The following CDYL variants were observed in gnomAD, a reference collection of about 807,000 sequenced individuals.
CDYL encodes chromodomain Y-like protein.
CDYL carries 8 observed loss-of-function variants against 47.3 expected under a neutral mutation model. The ratio of observed to expected loss-of-function variants is 0.17; its 90% CI spans 0.10 to 0.31. The LOEUF (loss-of-function observed/expected upper bound fraction) is 0.31, where lower values mean the gene tolerates loss of function less well. Ranked by LOEUF, CDYL falls within the 10% of genes least tolerant of loss-of-function variation. CDYL has a pLI of 1.00. For missense variants in CDYL, 471 were observed against 701.4 expected, an observed-to-expected ratio of 0.67 and a Z score of 3.71; for synonymous variants, 266 against 265.0, an observed-to-expected ratio of 1.00 and a Z score of -0.04.
chr6:4,912,491 CGTAGGGCTTTGTAGCCAGGG>C (rs1436341870), intron 2 of CDYL, among the ~76,000 whole-genome samples: 1 of 152,174 alleles, frequency 6.6e-6, no homozygotes, highest in Non-Finnish European at 1.5e-5. Context: ...GGCGGAACGC[CGTAGGGCTTTGTAGCCAGGG>C]TAAGAAGTTT....
At chr6:4,926,616 T>C (rs572718912) in intron 2 of CDYL, among the ~76,000 whole-genome samples, 1 of 152,364 alleles carries the variant, frequency 6.6e-6, no homozygotes, top group South Asian at 2.1e-4. Context: ...TTTTGGATGC[T>C]GTAGTGTAGT....
At chr6:4,935,913 G>A (rs2127519981) in intron 3 of CDYL, 142 bp downstream of exon 3, 1 of 1,335,826 alleles carries the variant, frequency 7.5e-7, no homozygotes, top group Middle Eastern at 2.6e-4. Context: ...AAGGGAGGGA[G>A]CAGAGGGGAA....
intron 3 of CDYL, among the ~76,000 whole-genome samples, chr6:4,769,451 C>G (rs1758304060): frequency 2.0e-5 from 3 of 152,046 alleles, no homozygotes; most frequent in African/African-American, 7.2e-5. Context: ...TCATATTTTG[C>G]TTAAGCTGGG....
chr6:4,792,758 A>G (rs774841565), intron 1 of CDYL, among the ~76,000 whole-genome samples: 19 of 152,064 alleles, frequency 1.2e-4, no homozygotes, highest in Admixed American at 3.3e-4. Context: ...TTTTTTGTTT[A>G]AGAAATCCTT....
At chr6:4,879,441 T>C (rs1325662265) in intron 1 of CDYL, among the ~76,000 whole-genome samples, 1 of 152,218 alleles carries the variant, frequency 6.6e-6, no homozygotes, top group African/African-American at 2.4e-5. Context: ...TGTAATGCTT[T>C]CTTGAAGTTT....
chr6:4,944,555 A>G (rs1192172053), intron 5 of CDYL, among the ~76,000 whole-genome samples: 1 of 152,230 alleles, frequency 6.6e-6, no homozygotes, highest in Non-Finnish European at 1.5e-5. Context: ...AGGAGCGATC[A>G]TGGCAGCACA....
chr6:4,851,205 G>A (rs915187412), intron 1 of CDYL, among the ~76,000 whole-genome samples: 5 of 152,118 alleles, frequency 3.3e-5, no homozygotes, highest in African/African-American at 1.2e-4. Flanking sequence ...CTGTAACCTG[G>A]GCCAAAGTTA....
Position 4,783,193 on chromosome 6 carries a change from T to C in CDYL, c.24+6386T>C, listed in dbSNP as rs74786407. Among the ~76,000 whole-genome samples, 1,231 of 151,188 alleles carry C rather than the reference T, an allele frequency of 8.1e-3. 22 individuals carry two copies. The highest frequency in any genetic ancestry group is 0.044 in the East Asian group (226 of 5,172). On this transcript the variant is annotated intron_variant, in intron 1 of 6. Transcript: ENST00000397588. ...TTCCTTCTGGGATTTTTTTTTTTCT[T>C]AAGTGTATCCTTTAGAGATTTCTTT...
At chr6:4,788,980 C>T (rs1018030951) in intron 1 of CDYL, among the ~76,000 whole-genome samples, 5 of 152,144 alleles carry the variant, frequency 3.3e-5, no homozygotes, top group African/African-American at 4.8e-5. Context: ...CTTGTAGCTA[C>T]ATGGCGGGCC....
rs2281130 is a variant in CDYL at position 4,884,022 on chromosome 6, C to G, written c.25-7691C>G. On this transcript the variant is annotated intron_variant, in intron 1 of 6. Coordinates refer to ENST00000397588, the MANE Select transcript of CDYL (RefSeq NM_004824.4). Reference sequence around the variant, plus strand: ...TGTGTGCATCCTACAAGTAGCTTTCCCCACTGTGAGAGCCATAGACATGGT... The same window carrying G: ...TGTGTGCATCCTACAAGTAGCTTTCGCCACTGTGAGAGCCATAGACATGGT... 2.0e-5 allele frequency among the ~76,000 whole-genome samples: 3 copies of G among 152,290 alleles called. No individual in the cohort carries two copies. In the East Asian group the frequency reaches 5.8e-4, roughly 29 times the overall value.
intron 1 of CDYL, among the ~76,000 whole-genome samples, chr6:4,853,873 T>C (rs1455642533): frequency 2.6e-5 from 4 of 152,362 alleles, no homozygotes; most frequent in Middle Eastern, 3.4e-3. Context: ...TTAGCTGGCC[T>C]CGTGTGCTCC....
chr6:4,760,093 CA>C (rs1758151788), intron 3 of CDYL, among the ~76,000 whole-genome samples: 1 of 151,578 alleles, frequency 6.6e-6, no homozygotes, highest in African/African-American at 2.4e-5. Context: ...GGGGTTGAAA[CA>C]ATCCTTTATC....
chr6:4,918,418 G>T (rs1316784105), intron 2 of CDYL, among the ~76,000 whole-genome samples: 1 of 151,814 alleles, frequency 6.6e-6, no homozygotes, highest in African/African-American at 2.4e-5. Context: ...TAACATAAAG[G>T]TTGTTGCTTT....
intron 1 of CDYL, among the ~76,000 whole-genome samples, chr6:4,789,506 C>T (rs1308794792): frequency 1.3e-5 from 2 of 152,164 alleles, no homozygotes; most frequent in African/African-American, 4.8e-5. Context: ...CCGCCCTAGG[C>T]ATCTCCCCCA....
chr6:4,865,932 G>C (rs1219488240), intron 1 of CDYL, among the ~76,000 whole-genome samples: 4 of 152,104 alleles, frequency 2.6e-5, no homozygotes, highest in Admixed American at 1.3e-4. Flanking sequence ...GTTTTAAGTG[G>C]ACATAAAGAA....
At chr6:4,947,411 A>C (rs977800349) in intron 5 of CDYL, among the ~76,000 whole-genome samples, 7 of 152,126 alleles carry the variant, frequency 4.6e-5, no homozygotes, top group Admixed American at 1.3e-4. Flanking sequence ...TGGCTGATTA[A>C]CCTGGGTGGA....
chr6:4,768,048 T>C (rs1403495075), intron 3 of CDYL, among the ~76,000 whole-genome samples: 1 of 152,238 alleles, frequency 6.6e-6, no homozygotes, highest in Non-Finnish European at 1.5e-5. Flanking sequence ...CATCCCATCT[T>C]ATGTCTCCCT....
intron 2 of CDYL, among the ~76,000 whole-genome samples, chr6:4,727,016 C>T (rs1757526440): frequency 6.6e-6 from 1 of 152,082 alleles, no homozygotes; most frequent in African/African-American, 2.4e-5. Flanking sequence ...TCTACCTTAC[C>T]CTAAGTGCAT....
chr6:4,749,368 A>G (rs9767170), intron 3 of CDYL, among the ~76,000 whole-genome samples: 1 of 148,586 alleles, frequency 6.7e-6, no homozygotes, highest in African/African-American at 2.5e-5. Flanking sequence ...GGATGGATGG[A>G]TGAATGGATA....
Sources: allele counts gnomAD v4.1 joint callset (sites outside exome capture counted in the v4.1 genomes callset), GRCh38; gene constraint gnomAD v4.1.1; transcripts MANE v1.5; gene names NCBI Gene and HGNC (gene_info 2026-07-23, HGNC 2026-07-21).